The following RASEF variants were observed in gnomAD, a reference collection of about 807,000 sequenced individuals.
RASEF encodes RAS and EF-hand domain containing.
A neutral mutation model predicts 90.1 loss-of-function variants in RASEF; 68 were observed. The observed-to-expected ratio is 0.75, with a 90% CI of 0.62 to 0.92. The LOEUF (loss-of-function observed/expected upper bound fraction) is 0.92, where lower values mean the gene tolerates loss of function less well. Ranked by LOEUF, RASEF falls within the 40% of genes least tolerant of loss-of-function variation. The pLI, the probability that RASEF is intolerant of heterozygous loss-of-function variation, is 0.00. For missense variants in RASEF, 949 were observed against 937.2 expected, an observed-to-expected ratio of 1.01 and a Z score of -0.16; for synonymous variants, 331 against 345.2, an observed-to-expected ratio of 0.96 and a Z score of 0.46.
the RASEF span, among the ~76,000 whole-genome samples, chr9:83,127,777 T>C: frequency 1.3e-5 from 2 of 152,166 alleles, no homozygotes; most frequent in African/African-American, 4.8e-5. Flanking sequence ...ATGGGAAACC[T>C]GGCAAGTCTA....
At chr9:83,172,131 T>C in the RASEF span, among the ~76,000 whole-genome samples, 4 of 151,734 alleles carry the variant, frequency 2.6e-5, no homozygotes, top group African/African-American at 4.8e-5. Context: ...TGTTTTAAGA[T>C]ATTTTTATTT....
intron 3 of RASEF, 42 bp downstream of exon 3, chr9:83,022,294 T>G (rs1249953459): frequency 1.4e-6 from 2 of 1,467,628 alleles, no homozygotes; most frequent in Non-Finnish European, 1.9e-6. Flanking sequence ...AGAAACCACC[T>G]CATAAAGATC....
the RASEF span, among the ~76,000 whole-genome samples, chr9:83,149,525 A>G: frequency 1.3e-3 from 194 of 152,302 alleles, no homozygotes; most frequent in African/African-American, 4.6e-3. Context: ...TGAGGCAGGA[A>G]GGCATGGCTT....
the RASEF span, among the ~76,000 whole-genome samples, chr9:83,149,771 C>T: frequency 6.6e-6 from 1 of 152,162 alleles, no homozygotes; most frequent in Admixed American, 6.5e-5. Flanking sequence ...TTTTAACACC[C>T]CCTCTTCTAC....
At chr9:83,201,248 C>A in the RASEF span, 1 of 152,272 alleles carries the variant, frequency 6.6e-6, no homozygotes, top group Non-Finnish European at 1.5e-5. Flanking sequence ...ACACAGTTCT[C>A]CTCCACACAG....
At chr9:83,019,587 G>C (rs1223588173) in intron 3 of RASEF, among the ~76,000 whole-genome samples, 1 of 152,064 alleles carries the variant, frequency 6.6e-6, no homozygotes, top group East Asian at 1.9e-4. Context: ...ATTTACTCAA[G>C]AGGAATAAAA....
intron 12 of RASEF, among the ~76,000 whole-genome samples, chr9:82,999,475 T>C (rs564533605): frequency 6.6e-6 from 1 of 152,312 alleles, no homozygotes; most frequent in African/African-American, 2.4e-5. Flanking sequence ...GCCTTCTTCA[T>C]GGTGTATCGT....
the RASEF span, among the ~76,000 whole-genome samples, chr9:83,107,547 G>C: frequency 6.6e-6 from 1 of 152,048 alleles, no homozygotes; most frequent in African/African-American, 2.4e-5. Flanking sequence ...TTCATGCCAA[G>C]CCGGTTTTTG....
At chr9:82,990,047 G>A (rs1414097738) in intron 16 of RASEF, among the ~76,000 whole-genome samples, 1 of 152,132 alleles carries the variant, frequency 6.6e-6, no homozygotes, top group Non-Finnish European at 1.5e-5. Flanking sequence ...TTTTGCCCGG[G>A]AAAATATCAT....
chr9:83,025,044 C>T (rs1829518843), intron 2 of RASEF, among the ~76,000 whole-genome samples: 1 of 152,176 alleles, frequency 6.6e-6, no homozygotes, highest in South Asian at 2.1e-4. Context: ...TAAAGGAATG[C>T]AGTTTTTCCA....
intron 8 of RASEF, 150 bp from the exon 9 acceptor site, chr9:83,004,736 A>G: frequency 3.4e-6 from 2 of 588,386 alleles, no homozygotes; most frequent in Non-Finnish European, 6.0e-6. Flanking sequence ...CTACCTGAGC[A>G]AATGTGAGCA....
chr9:83,145,118 GCTA>G, the RASEF span, among the ~76,000 whole-genome samples: 1 of 152,082 alleles, frequency 6.6e-6, no homozygotes, highest in African/African-American at 2.4e-5. Flanking sequence ...TCTTCAATTT[GCTA>G]CACAAAAAAT....
the RASEF span, among the ~76,000 whole-genome samples, chr9:83,079,013 T>C: frequency 6.6e-6 from 1 of 152,180 alleles, no homozygotes; most frequent in Non-Finnish European, 1.5e-5. Context: ...CTCTGTTGTT[T>C]CCTCTGTTGT....
intron 1 of RASEF, chr9:83,055,791 TAA>T (rs1830092344): frequency 1.6e-6 from 1 of 632,732 alleles, no homozygotes; most frequent in South Asian, 1.8e-5. Context: ...TTTGGTCTCC[TAA>T]AACTCCCAAA....
At chr9:83,135,709 T>C in the RASEF span, among the ~76,000 whole-genome samples, 1 of 152,280 alleles carries the variant, frequency 6.6e-6, no homozygotes, top group African/African-American at 2.4e-5. Context: ...CCATCTGTTG[T>C]TGATGCAAAC....
Position 83,062,789 on chromosome 9 carries a change from G to T in RASEF, c.79C>A (p.Arg27Ser), listed in dbSNP as rs1426751085. The change falls in exon 1 of 17, where the codon CGC becomes AGC. Residue 27 changes from arginine (R) to serine (S), a missense_variant. By Grantham distance (110) the Arg-to-Ser change is moderately radical. Transcript: ENST00000376447. ...FAACDANRSGRLEREEFRALC... is the reference protein window; with the variant it reads ...FAACDANRSGSLEREEFRALC... ...GCCCGGAACTCCTCGCGCTCCAGGC[G>T]CCCCGAGCGGTTCGCGTCGCAGGCG... is the stretch of plus-strand genomic sequence containing the variant. The T allele has an allele frequency of 6.4e-7, 1 of 1,555,886 alleles. No homozygotes were observed. The highest frequency in any genetic ancestry group is 2.4e-5 in the East Asian group (1 of 41,710).
intron 7 of RASEF, among the ~76,000 whole-genome samples, chr9:83,006,538 T>C (rs556840915): frequency 6.6e-6 from 1 of 151,850 alleles, no homozygotes; most frequent in South Asian, 2.1e-4. Context: ...CTGACCTGAC[T>C]TCATTGAGGG....
Position 83,062,934 on chromosome 9 carries a change from A to G in RASEF, c.-67T>C. ...GGGGCGCAGGGCCCTCCCTGGAAGG[A>G]CGGGGCCACCTGCTGCCGCCGGGAG... On this transcript the variant is annotated 5_prime_UTR_variant, in exon 1 of 17. Transcript: ENST00000376447. 1 of 1,358,300 alleles carries G rather than the reference A, an allele frequency of 7.4e-7. No individual in the cohort carries two copies. Among genetic ancestry groups the G allele is most frequent in the South Asian group, 1.7e-5 (1 of 57,474 alleles). The allele number at this position is 1,358,300 out of a possible 1,614,324, so 84.1% of individuals were successfully genotyped here. A position where few individuals can be genotyped will look rare whatever the true frequency, so the allele number is the denominator to read the frequency against.
the RASEF span, among the ~76,000 whole-genome samples, chr9:83,104,105 T>C: frequency 6.6e-6 from 1 of 152,122 alleles, no homozygotes; most frequent in African/African-American, 2.4e-5. Flanking sequence ...GCCTCAGAAA[T>C]CTTGGTGTGA....
Sources: allele counts gnomAD v4.1 joint callset (sites outside exome capture counted in the v4.1 genomes callset), GRCh38; gene constraint gnomAD v4.1.1; transcripts MANE v1.5; gene names NCBI Gene and HGNC (gene_info 2026-07-23, HGNC 2026-07-21).